Variants in TIAM1 observed in about 807,000 individuals in gnomAD.
TIAM1 encodes rho guanine nucleotide exchange factor TIAM1.
TIAM1 carries 65 observed loss-of-function variants against 163.5 expected under a neutral mutation model. That is an observed-to-expected ratio of 0.40 (90% CI 0.33 to 0.49). The LOEUF (loss-of-function observed/expected upper bound fraction) is 0.49. TIAM1 is among the 20% of genes least tolerant of loss of function. The probability of loss-of-function intolerance (pLI) is 0.77; values close to 1 mark genes in which losing one functional copy is unlikely to be tolerated. For synonymous variants in TIAM1, 833 were observed against 810.1 expected (o/e 1.03, Z -0.48); for missense variants, 1,789 against 2,044.7 (o/e 0.87, Z 2.41).
intron 14 of TIAM1, 86 bp downstream of exon 14, chr21:31,186,915 T>G: frequency 9.0e-7 from 1 of 1,110,666 alleles, no homozygotes; most frequent in Non-Finnish European, 1.4e-6. Context: ...AAATGAATCC[T>G]TTGGGCATAT....
chr21:31,491,013 T>C (rs2046450082), intron 1 of TIAM1, among the ~76,000 whole-genome samples: 1 of 152,170 alleles, frequency 6.6e-6, no homozygotes, highest in Non-Finnish European at 1.5e-5. Context: ...TAATCCCAAC[T>C]ACTCCAGAGG....
At chr21:31,188,974 G>A (rs1367607298) in intron 13 of TIAM1, among the ~76,000 whole-genome samples, 1 of 150,290 alleles carries the variant, frequency 6.7e-6, no homozygotes. Flanking sequence ...GTGACAGCCT[G>A]CTGCAAGTCA....
chr21:31,451,428 A>G (rs921829301), intron 2 of TIAM1, among the ~76,000 whole-genome samples: 2 of 152,132 alleles, frequency 1.3e-5, no homozygotes, highest in Admixed American at 1.3e-4. Context: ...CATACAGGGA[A>G]GTTAGCCAAG....
At chr21:31,477,127 G>A (rs914288556) in intron 1 of TIAM1, among the ~76,000 whole-genome samples, 1 of 152,132 alleles carries the variant, frequency 6.6e-6, no homozygotes, top group Non-Finnish European at 1.5e-5. Context: ...GTTGAACTGG[G>A]GGAAATTGCC....
intron 1 of TIAM1, among the ~76,000 whole-genome samples, chr21:31,536,102 G>A (rs575984944): frequency 2.6e-5 from 4 of 152,186 alleles, no homozygotes; most frequent in Non-Finnish European, 5.9e-5. Context: ...AGAGAGGCCG[G>A]GGGTTGATGC....
chr21:31,509,440 A>T (rs1034058502), intron 1 of TIAM1, among the ~76,000 whole-genome samples: 1 of 152,198 alleles, frequency 6.6e-6, no homozygotes, highest in Non-Finnish European at 1.5e-5. Flanking sequence ...TGCCTGGCAC[A>T]GGCGCCACTT....
chr21:31,256,057 T>C (rs1391634760), intron 4 of TIAM1, among the ~76,000 whole-genome samples: 1 of 152,250 alleles, frequency 6.6e-6, no homozygotes, highest in East Asian at 1.9e-4. Context: ...GGGCAACAAA[T>C]GCTTAAATGA....
chr21:31,195,214 ATAAACT>A lies in TIAM1; in HGVS notation c.2575+4_2575+9del, dbSNP rs1321559491. The A allele has an allele frequency of 2.5e-6, 4 of 1,602,654 alleles. No homozygotes were observed. The highest frequency in any genetic ancestry group is 1.3e-5 in the African/African-American group (1 of 74,460). The stretch of plus-strand genomic sequence containing the variant: ...TACCTTAAAACACAAACAAAGAAAA[ATAAACT>A]TACCGTAAGTATCAGCAGCTGTATC... On this transcript the variant is annotated splice_donor_5th_base_variant and intron_variant, in intron 13 of 27. Transcript: ENST00000541036.
intron 1 of TIAM1, among the ~76,000 whole-genome samples, chr21:31,533,095 C>T (rs1412804294): frequency 6.6e-6 from 1 of 151,986 alleles, no homozygotes; most frequent in Admixed American, 6.6e-5. Flanking sequence ...CTGAGGTGGG[C>T]AGGTCACTTG....
Position 31,203,354 on chromosome 21 carries a change from C to T in TIAM1, c.2389-342G>A, listed in dbSNP as rs367861158. 1.1e-3 allele frequency among the ~76,000 whole-genome samples: 170 copies of T among 152,318 alleles called. 1 individual carries two copies. The highest frequency in any genetic ancestry group is 3.6e-3 in the African/African-American group (149 of 41,578). On this transcript the variant is annotated intron_variant, in intron 11 of 27. Transcript: ENST00000541036. ...GCCAGGCTGGTCTCGAACTCCTGAC[C>T]TCAGGTGATTCACCCGCCTTGGCCT...
chr21:31,423,014 C>CCTA (rs10622466), intron 2 of TIAM1, among the ~76,000 whole-genome samples: 151,432 of 151,436 alleles, frequency 1, 75,714 homozygotes, highest in Middle Eastern at 1. Context: ...ATCACTGTCA[C>CCTA]ACAGAGTCAC....
At chr21:31,404,889 C>T (rs972500150) in intron 2 of TIAM1, among the ~76,000 whole-genome samples, 1 of 152,060 alleles carries the variant, frequency 6.6e-6, no homozygotes, top group Non-Finnish European at 1.5e-5. Context: ...AGAGCTCTAC[C>T]AATATCCAAC....
chr21:31,290,751 C>G (rs193222209), intron 2 of TIAM1, among the ~76,000 whole-genome samples: 4 of 150,360 alleles, frequency 2.7e-5, no homozygotes, highest in Admixed American at 2.7e-4. Flanking sequence ...GCTTTTGCAA[C>G]TAGCAAACCC....
chr21:31,504,580 G>A (rs1019618381), intron 1 of TIAM1, among the ~76,000 whole-genome samples: 3 of 147,456 alleles, frequency 2.0e-5, no homozygotes, highest in African/African-American at 7.3e-5. Flanking sequence ...TTCCAAAGCT[G>A]GTAAAGCTCC....
chr21:31,291,908 T>C (rs978364154), intron 2 of TIAM1, among the ~76,000 whole-genome samples: 1 of 152,174 alleles, frequency 6.6e-6, no homozygotes, highest in African/African-American at 2.4e-5. Context: ...CTCCATCTAG[T>C]TCCTTCCAGA....
intron 2 of TIAM1, among the ~76,000 whole-genome samples, chr21:31,420,986 G>A (rs757432583): frequency 5.3e-5 from 8 of 151,926 alleles, no homozygotes; most frequent in Non-Finnish European, 1.2e-4. Flanking sequence ...GCCGGGTATG[G>A]TGGCGGGTGC....
chr21:31,364,877 A>C (rs1206794879), intron 2 of TIAM1, among the ~76,000 whole-genome samples: 1 of 152,204 alleles, frequency 6.6e-6, no homozygotes, highest in Non-Finnish European at 1.5e-5. Flanking sequence ...TCTTTAAAGA[A>C]TCAGATAAAT....
chr21:31,181,584 C>T (rs1055326908), intron 15 of TIAM1, among the ~76,000 whole-genome samples: 5 of 151,722 alleles, frequency 3.3e-5, no homozygotes, highest in African/African-American at 1.2e-4. Flanking sequence ...CAGAGCTCTG[C>T]ACACATTTCC....
intron 6 of TIAM1, among the ~76,000 whole-genome samples, chr21:31,244,360 T>C (rs561070050): frequency 6.6e-6 from 1 of 152,308 alleles, no homozygotes; most frequent in Admixed American, 6.5e-5. Context: ...TTAATAGTCA[T>C]TGGTAGGCTT....
Sources: gnomAD v4.1 joint callset for allele counts (sites outside exome capture counted in the v4.1 genomes callset) on GRCh38, gnomAD v4.1.1 for gene constraint, MANE v1.5 for transcripts, NCBI Gene and HGNC (gene_info 2026-07-23, HGNC 2026-07-21) for gene names.